Variants in DOK2 observed in about 807,000 individuals in gnomAD.
DOK2 encodes the protein docking protein 2.
Under a neutral mutation model 26.0 loss-of-function variants are expected in DOK2, and 28 were observed. The observed-to-expected ratio is 1.08, with a 90% CI of 0.80 to 1.48. The LOEUF is 1.48. Ranked by LOEUF, DOK2 falls within the 40% of genes most tolerant of loss-of-function variation. The pLI is 0.00. For synonymous variants in DOK2, 282 were observed against 236.9 expected (o/e 1.19, Z -1.75); for missense variants, 682 against 558.2 (o/e 1.22, Z -2.23).
chr8:21,911,855 T>A lies in DOK2; in HGVS notation c.433+46A>T, dbSNP rs1378511346. 5 of 1,534,262 alleles carry A rather than the reference T, an allele frequency of 3.3e-6. No individual in the cohort carries two copies. In the South Asian group the frequency reaches 6.0e-5, roughly 18 times the overall value. ...CCCACACCTCCTCTCCACCTCACCCTGGGGAGAGCCCCCAGGGGAGAGCAG... is the reference window on the plus strand; with the variant it reads ...CCCACACCTCCTCTCCACCTCACCCAGGGGAGAGCCCCCAGGGGAGAGCAG... On this transcript the variant is annotated intron_variant, in intron 3 of 4. Transcript: ENST00000276420.
At chr8:21,912,843 G>C (rs1809912832) in intron 1 of DOK2, among the ~76,000 whole-genome samples, 1 of 152,248 alleles carries the variant, frequency 6.6e-6, no homozygotes, top group South Asian at 2.1e-4. Flanking sequence ...AGTCTGGGGA[G>C]GAAAGCGGGG....
In DOK2 at chr8:21,909,624, G is replaced by A; in HGVS notation, c.926C>T (p.Ser309Phe). The A allele has an allele frequency of 1.9e-6, 3 of 1,613,670 alleles. No individual in the cohort carries two copies. Among genetic ancestry groups the A allele is most frequent in the Non-Finnish European group, 2.5e-6 (3 of 1,180,040 alleles). Residue 309 changes from serine to phenylalanine, a missense_variant, in exon 5 of 5, where the codon TCC becomes TTC. Ser to Phe is a radical substitution (Grantham distance 155). Transcript: ENST00000276420. ...GATGCCCCTGAAGTTCTTCCCCAAGGAACGGGCCACCGCATCGAAGGGCAC... is the reference window on the plus strand; with the variant it reads ...GATGCCCCTGAAGTTCTTCCCCAAGAAACGGGCCACCGCATCGAAGGGCAC... ...YAVPFDAVAR[S>F]LGKNFRGILA...
Position 21,912,242 on chromosome 8 carries a change from A to G in DOK2, c.332T>C (p.Leu111Pro). ...CGCGCGACTCACGGGGAAGGCCAGG[A>G]GGCAGATGGCCTGCACCCAGTCGCC... ...ERGDWVQAIC[L>P]LAFPGQRKEL... Residue 111 changes from leucine to proline, a missense_variant, in exon 2 of 5, where the codon CTC (leucine) becomes CCC (proline). Leu to Pro is a moderately conservative substitution (Grantham distance 98). Coordinates refer to ENST00000276420, the MANE Select transcript of DOK2 (RefSeq NM_003974.4). 1.9e-6 allele frequency: 3 copies of G among 1,566,420 alleles called. No individual in the cohort carries two copies. In the South Asian group the frequency reaches 3.5e-5, roughly 18 times the overall value.
rs1235844734 is a variant in DOK2 at position 21,909,203 on chromosome 8, C to G, written c.*108G>C. 7.3e-7 allele frequency: 1 copy of G among 1,369,456 alleles called. No homozygotes were observed. Among genetic ancestry groups the G allele is most frequent in the East Asian group, 2.4e-5 (1 of 42,510 alleles). 84.8% of individuals were successfully genotyped at this position (1,369,456 alleles called of 1,614,324 possible). A position where few individuals can be genotyped will look rare whatever the true frequency, so the allele number is the denominator to read the frequency against. On this transcript the variant is annotated 3_prime_UTR_variant, in exon 5 of 5. Coordinates refer to ENST00000276420, the MANE Select transcript of DOK2 (RefSeq NM_003974.4). The stretch of plus-strand genomic sequence containing the variant: ...ATTTATCAGCCCCAACGAAGACAGG[C>G]CAGGCCTCGGGCTCCAGAAGGGGCA...
chr8:21,911,781 G>T, intron 3 of DOK2, 120 bp downstream of exon 3: 3 of 1,133,880 alleles, frequency 2.6e-6, no homozygotes, highest in South Asian at 1.7e-5. Flanking sequence ...GCTGGCCCAG[G>T]CTGGGGATAA....
chr8:21,909,637 C>T lies in DOK2; in HGVS notation c.913G>A (p.Ala305Thr), dbSNP rs145405180. The change falls in exon 5 of 5, where the codon GCG (alanine) becomes ACG (threonine). Residue 305 changes from alanine (A) to threonine (T), a missense_variant. Ala to Thr is a moderately conservative substitution (Grantham distance 58, BLOSUM62 0). Coordinates refer to ENST00000276420, the MANE Select transcript of DOK2 (RefSeq NM_003974.4). ...TTCTTCCCCAAGGAACGGGCCACCG[C>T]ATCGAAGGGCACGGCATACTCCCCC... is the stretch of plus-strand genomic sequence containing the variant. ...QEGEYAVPFD[A>T]VARSLGKNFR... The T allele has an allele frequency of 1.0e-3, 1,686 of 1,613,220 alleles. 2 individuals are homozygous for T. Among genetic ancestry groups the T allele is most frequent in the Non-Finnish European group, 1.4e-3 (1,597 of 1,180,032 alleles).
At chr8:21,911,806 G>C in intron 3 of DOK2, 95 bp downstream of exon 3, 1 of 1,330,456 alleles carries the variant, frequency 7.5e-7, no homozygotes. Flanking sequence ...AAGGCAGGAA[G>C]ACTCGGGGCC....
intron 4 of DOK2, among the ~76,000 whole-genome samples, chr8:21,910,416 C>G (rs1315061319): frequency 6.6e-6 from 1 of 152,156 alleles, no homozygotes; most frequent in Non-Finnish European, 1.5e-5. Flanking sequence ...TCTCCCCTCT[C>G]CAGGCCCTTC....
chr8:21,910,492 G>A (rs1363604472), intron 4 of DOK2, among the ~76,000 whole-genome samples, 181 bp downstream of exon 4: 2 of 151,974 alleles, frequency 1.3e-5, no homozygotes, highest in African/African-American at 2.4e-5. Flanking sequence ...ACCCCTCTAC[G>A]GTCTCTCCAC....
At chr8:21,912,917 T>TTC (rs1809915315) in intron 1 of DOK2, among the ~76,000 whole-genome samples, 1 of 152,174 alleles carries the variant, frequency 6.6e-6, no homozygotes, top group African/African-American at 2.4e-5. Flanking sequence ...GGAGACCTCA[T>TTC]TCTCCTTCTG....
Position 21,912,423 on chromosome 8 carries a change from G to C in DOK2, c.151C>G (p.Arg51Gly), listed in dbSNP as rs752492055. The change falls in exon 2 of 5, where the codon CGT becomes GGT. Residue 51 changes from arginine to glycine, a missense_variant. By Grantham distance (125) the Arg-to-Gly change is moderately radical. Transcript: ENST00000276420. ...ACCTTCCGGGCAGCCTCACACCGAC[G>C]AGGCTTCTCCGGGCCCTCCTGCAGC... Reference protein sequence around the residue: ...LELQEGPEKPRRCEAARKVIR... With the variant: ...LELQEGPEKPGRCEAARKVIR... 1.3e-6 allele frequency: 2 copies of C among 1,582,000 alleles called. No individual in the cohort carries two copies. The highest frequency in any genetic ancestry group is 1.7e-6 in the Non-Finnish European group (2 of 1,165,984).
chr8:21,910,393 C>A (rs536976914), intron 4 of DOK2, among the ~76,000 whole-genome samples: 3 of 152,274 alleles, frequency 2.0e-5, no homozygotes, highest in African/African-American at 7.2e-5. Context: ...CAGGCAGAGA[C>A]TTGGCTCTCT....
chr8:21,911,934 C>G lies in DOK2; in HGVS notation c.400G>C (p.Glu134Gln). The G allele has an allele frequency of 6.4e-7, 1 of 1,563,270 alleles. No individual in the cohort carries two copies. Among genetic ancestry groups the G allele is most frequent in the Non-Finnish European group, 8.7e-7 (1 of 1,153,608 alleles). The change falls in exon 3 of 5, where the codon GAG becomes CAG. Residue 134 changes from glutamate (E) to glutamine (Q), a missense_variant. Glu to Gln is a conservative substitution (Grantham distance 29). Coordinates refer to ENST00000276420, the MANE Select transcript of DOK2 (RefSeq NM_003974.4). ...GCGCTGCTGTACAATTCATTTTCCT[C>G]CATGCAGGGCCGGCTCTGCTTTCCC... The part of the protein sequence containing the change: ...PEGKQSRPCM[E>Q]ENELYSSAVT...
In DOK2 at chr8:21,910,863, GAGA is replaced by G. The variant is rs775421537; in HGVS notation, c.434-9_434-7del. 3.0e-5 allele frequency: 48 copies of G among 1,593,248 alleles called. No individual in the cohort carries two copies. The South Asian group carries it at 4.6e-4, about 15-fold the overall frequency. On this transcript the variant is annotated splice_region_variant and splice_polypyrimidine_tract_variant and intron_variant, in intron 3 of 4. Coordinates refer to ENST00000276420, the MANE Select transcript of DOK2 (RefSeq NM_003974.4). ...AAATTCCTTGTGGGGGCCGACTGGG[GAGA>G]AGAAGAGAGAGAAGGCGAAGGCAGT...
In DOK2 at chr8:21,909,340, T is replaced by C; in HGVS notation, c.1210A>G (p.Asn404Asp). 3 of 1,550,148 alleles carry C rather than the reference T, an allele frequency of 1.9e-6. No individual in the cohort carries two copies. Among genetic ancestry groups the C allele is most frequent in the African/African-American group, 1.4e-5 (1 of 73,178 alleles). ...TTTGGGCCTTTCTTTAGTACAACAT[T>C]GTCATACTCAGTTCCTGGCTGCCAG... ...SGWQPGTEYDNVVLKKGPK is the reference protein window; with the variant it reads ...SGWQPGTEYDDVVLKKGPK The change falls in exon 5 of 5, where the codon AAT (asparagine) becomes GAT (aspartate). Residue 404 changes from asparagine (N) to aspartate (D), a missense_variant. Asn to Asp is a conservative substitution (Grantham distance 23). Coordinates refer to ENST00000276420, the MANE Select transcript of DOK2 (RefSeq NM_003974.4).
rs138902775 is a variant in DOK2, at chr8:21,913,589, C to T, written c.13G>A (p.Ala5Thr). Residue 5 changes from alanine (A) to threonine (T), a missense_variant, in exon 1 of 5, where the codon GCA becomes ACA. Transcript: ENST00000276420. Reference protein sequence around the residue: MGDGAVKQGFLYLQQ... With the variant: MGDGTVKQGFLYLQQ... ...AGATACAAGAAGCCTTGTTTCACTG[C>T]CCCGTCTCCCATCCTCTGACCATCT... 1.2e-5 allele frequency: 19 copies of T among 1,613,970 alleles called. No individual in the cohort carries two copies. The African/African-American group carries it at 1.3e-4, about 11-fold the overall frequency.
intron 3 of DOK2, 48 bp downstream of exon 3, chr8:21,911,853 C>T (rs1178037947): frequency 1.3e-6 from 2 of 1,533,140 alleles, no homozygotes; most frequent in South Asian, 2.4e-5. Context: ...TCCACCTCAC[C>T]CTGGGGAGAG....
intron 3 of DOK2, 76 bp from the exon 4 acceptor site, chr8:21,910,933 A>C (rs901554875): frequency 1.4e-6 from 2 of 1,453,706 alleles, no homozygotes; most frequent in Admixed American, 5.0e-5. Context: ...GCCCAGTTCT[A>C]AATGAGCGTA....
chr8:21,910,582 T>C (rs542553428), intron 4 of DOK2, 91 bp downstream of exon 4: 3 of 1,507,152 alleles, frequency 2.0e-6, no homozygotes, highest in Admixed American at 1.9e-5. Context: ...CTCCCTCTCC[T>C]GGTCTCTCCC....
Sources: gnomAD v4.1 joint callset for allele counts (sites outside exome capture counted in the v4.1 genomes callset) on GRCh38, gnomAD v4.1.1 for gene constraint, MANE v1.5 for transcripts, NCBI Gene and HGNC (gene_info 2026-07-23, HGNC 2026-07-21) for gene names.